SERPINB9: variants seen among roughly 807,000 people sequenced by gnomAD.
SERPINB9 encodes the protein serpin family B member 9.
A neutral mutation model predicts 27.2 loss-of-function variants in SERPINB9; 20 were observed. The observed-to-expected ratio is 0.74, with a 90% CI of 0.52 to 1.07. The LOEUF is 1.07. SERPINB9 is among the 50% of genes least tolerant of loss of function. The pLI is 0.00. For missense variants in SERPINB9, 476 were observed against 460.1 expected, an observed-to-expected ratio of 1.03 and a Z score of -0.32; for synonymous variants, 189 against 180.0, an observed-to-expected ratio of 1.05 and a Z score of -0.40.
At position 2,895,475 on chromosome 6, in the gene SERPINB9, C is replaced by A; in HGVS notation, c.340G>T (p.Ala114Ser). ...FKESCLQFYH[A>S]ELKELSFIRA... ...ATAAAGGAAAGCTCCTTCAGCTCAG[C>A]ATGGTAGAATTGAAGACAGGATTCC... is the stretch of plus-strand genomic sequence containing the variant. The change falls in exon 4 of 7, where the codon GCT becomes TCT. Residue 114 changes from alanine to serine, a missense_variant. Transcript: ENST00000380698. The A allele has an allele frequency of 6.2e-7, 1 of 1,613,812 alleles. No homozygotes were observed. Among genetic ancestry groups the A allele is most frequent in the South Asian group, 1.1e-5 (1 of 91,052 alleles).
chr6:2,895,688 G>C (rs1408134155), intron 3 of SERPINB9, among the ~76,000 whole-genome samples, 180 bp from the exon 4 acceptor site: 1 of 151,866 alleles, frequency 6.6e-6, no homozygotes, highest in Non-Finnish European at 1.5e-5. Context: ...ATTGAACCCT[G>C]AATAACCAGA....
At chr6:2,902,853 G>T (rs976396870) in intron 1 of SERPINB9, among the ~76,000 whole-genome samples, 6 of 152,218 alleles carry the variant, frequency 3.9e-5, no homozygotes, top group Non-Finnish European at 8.8e-5. Context: ...GAAGAAGCAG[G>T]ACAGACGTCA....
rs944857912 is a variant in SERPINB9 at position 2,891,559 on chromosome 6, C to T, written c.723+274G>A. 2.6e-5 allele frequency among the ~76,000 whole-genome samples: 4 copies of T among 152,262 alleles called. No individual in the cohort carries two copies. Among genetic ancestry groups the T allele is most frequent in the East Asian group, 3.9e-4 (2 of 5,176 alleles). On this transcript the variant is annotated intron_variant, in intron 6 of 6. Coordinates refer to ENST00000380698, the MANE Select transcript of SERPINB9 (RefSeq NM_004155.6). This position sits in a 1 kb window ranked among gnomAD's most constrained non-coding sequence, Gnocchi z 4.0. Reference sequence around the variant, plus strand: ...AAACTAGCAGGATTTTTATAAGCTTCCTCCTACCTGATTTATTTTAAAAGG... The same window carrying T: ...AAACTAGCAGGATTTTTATAAGCTTTCTCCTACCTGATTTATTTTAAAAGG...
Position 2,893,457 on chromosome 6 carries a change from G to C in SERPINB9, c.521C>G (p.Pro174Arg). The C allele has an allele frequency of 1.2e-6, 2 of 1,612,936 alleles. No individual in the cohort carries two copies. The highest frequency in any genetic ancestry group is 1.7e-6 in the Non-Finnish European group (2 of 1,179,456). Reference protein sequence around the residue: ...AIYFKGKWNEPFDETYTREMP... With the variant: ...AIYFKGKWNERFDETYTREMP... ...TTCCCTTGTGTATGTTTCGTCAAAC[G>C]GTTCATTCCACTTTCCTTTGAAGTA... The change falls in exon 5 of 7, where the codon CCG becomes CGG. Residue 174 changes from proline to arginine, a missense_variant. By Grantham distance (103) the Pro-to-Arg change is moderately radical. Transcript: ENST00000380698.
chr6:2,901,171 G>C (rs1768188083), intron 1 of SERPINB9, among the ~76,000 whole-genome samples: 2 of 152,184 alleles, frequency 1.3e-5, no homozygotes, highest in Admixed American at 6.5e-5. Context: ...ATAGAGGCAA[G>C]TGAGTGCGTC....
intron 2 of SERPINB9, chr6:2,899,766 C>A: frequency 3.4e-6 from 1 of 293,330 alleles, no homozygotes; most frequent in East Asian, 9.5e-5. Context: ...AAAAGACAGT[C>A]ATATTGAACA....
chr6:2,891,760 T>G lies in SERPINB9; in HGVS notation c.723+73A>C. On this transcript the variant is annotated intron_variant, in intron 6 of 6. Coordinates refer to ENST00000380698, the MANE Select transcript of SERPINB9 (RefSeq NM_004155.6). The surrounding 1 kb of genome is among the most constrained non-coding windows in gnomAD (Gnocchi z 4.0). ...GCATCGCCAACTCAGAAGGTGAATA[T>G]GAGAGGTGGAAGTGGCACTCGAGTT... The G allele has an allele frequency of 3.4e-4, 512 of 1,490,126 alleles. No homozygotes were observed. The highest frequency in any genetic ancestry group is 4.2e-4 in the Non-Finnish European group (472 of 1,117,064). The allele number at this position is 1,490,126 out of a possible 1,614,324, so 92.3% of individuals were successfully genotyped here.
In SERPINB9 at chr6:2,888,343, C is replaced by T. The variant is rs190499114; in HGVS notation, c.*1820G>A. The T allele has an allele frequency of 1.3e-5, 2 of 152,152 alleles. No homozygotes were observed. The highest frequency in any genetic ancestry group is 4.2e-4 in the South Asian group (2 of 4,814). The allele number at this position is 152,152 out of a possible 1,614,324, so 9.4% of individuals were successfully genotyped here. A position where few individuals can be genotyped will look rare whatever the true frequency, so the allele number is the denominator to read the frequency against. ...GCAGTTCCACTCCTAGATATATACC[C>T]AAGAGAATGCAAAATAGGCATTCAA... is the stretch of plus-strand genomic sequence containing the variant. On this transcript the variant is annotated 3_prime_UTR_variant, in exon 7 of 7. Coordinates refer to ENST00000380698, the MANE Select transcript of SERPINB9 (RefSeq NM_004155.6).
intron 1 of SERPINB9, 85 bp from the exon 2 acceptor site, chr6:2,900,706 G>A (rs28437254): frequency 0.034 from 40,736 of 1,192,880 alleles, 881 homozygotes; most frequent in South Asian, 0.07. Flanking sequence ...TTTTGGAATC[G>A]TACTTTTTGT....
Position 2,900,597 on chromosome 6 carries a change from A to G in SERPINB9, c.15T>C (p.Ser5=), listed in dbSNP as rs544430620. Residue 5 remains serine (S), a synonymous_variant, in exon 2 of 7, where the codon TCT becomes TCC. Transcript: ENST00000380698. ...GTATGGCAAAAGTACCACTTGCATT[A>G]GAAAGAGTTTCCATGATGCAGGGCC... METL[S]NASGTFAIRL... is the part of the protein sequence containing the mutation. The G allele has an allele frequency of 3.7e-6, 6 of 1,614,164 alleles. No individual in the cohort carries two copies. The East Asian group carries it at 1.1e-4, about 30-fold the overall frequency.
In SERPINB9 at chr6:2,888,031, C is replaced by G. The variant is rs1767654831; in HGVS notation, c.*2132G>C. 2 of 152,100 alleles carry G rather than the reference C, an allele frequency of 1.3e-5. No individual in the cohort carries two copies. The highest frequency in any genetic ancestry group is 4.1e-4 in the South Asian group (2 of 4,824). The allele number at this position is 152,100 out of a possible 1,614,324, so 9.4% of individuals were successfully genotyped here. On this transcript the variant is annotated 3_prime_UTR_variant, in exon 7 of 7. Coordinates refer to ENST00000380698, the MANE Select transcript of SERPINB9 (RefSeq NM_004155.6). ...CATCTCATTTTTTACTCAGCATTAT[C>G]TATCAAAGGGACTGGATGTCCCATC... is the stretch of plus-strand genomic sequence containing the variant.
At chr6:2,901,717 C>T (rs1156675982) in intron 1 of SERPINB9, among the ~76,000 whole-genome samples, 4 of 151,982 alleles carry the variant, frequency 2.6e-5, no homozygotes, top group African/African-American at 4.8e-5. Flanking sequence ...CTTTCCATCT[C>T]CCCCTCCTCC....
At chr6:2,901,924 A>G (rs541254556) in intron 1 of SERPINB9, among the ~76,000 whole-genome samples, 73 of 150,142 alleles carry the variant, frequency 4.9e-4, no homozygotes, top group African/African-American at 1.2e-3. Flanking sequence ...AACACAACCC[A>G]CTCCCCCAGC....
chr6:2,900,885 T>TCACACA (rs5742054), intron 1 of SERPINB9, among the ~76,000 whole-genome samples: 3 of 141,482 alleles, frequency 2.1e-5, no homozygotes, highest in Non-Finnish European at 4.5e-5. Context: ...GCTCGCTCTC[T>TCACACA]CACACACACA....
At chr6:2,899,927 G>A (rs1273003094) in intron 2 of SERPINB9, 2 of 456,694 alleles carry the variant, frequency 4.4e-6, no homozygotes, top group Admixed American at 2.4e-5. Context: ...TTCTCTGAAT[G>A]TTGGTGAGAC....
Position 2,900,518 on chromosome 6 carries a change from G to GACA in SERPINB9, c.93_94insTGT (p.Ser31_Pro32insCys). ...GCCAGGGCAGAGGAGATGCTCACAGGAGAACAGAACACGTTGTGCGAAGGG... is the reference window on the plus strand; with the variant it reads ...GCCAGGGCAGAGGAGATGCTCACAGGACAAGAACAGAACACGTTGTGCGAAGGG... On this transcript the variant is annotated inframe_insertion, in exon 2 of 7. Coordinates refer to ENST00000380698, the MANE Select transcript of SERPINB9 (RefSeq NM_004155.6). The GACA allele has an allele frequency of 6.2e-7, 1 of 1,614,158 alleles. No individual in the cohort carries two copies. Among genetic ancestry groups the GACA allele is most frequent in the Non-Finnish European group, 8.5e-7 (1 of 1,180,032 alleles).
chr6:2,891,743 A>G lies in SERPINB9; in HGVS notation c.723+90T>C. ...CACAGTGTGCGTCTGCCGCATCGCC[A>G]ACTCAGAAGGTGAATATGAGAGGTG... On this transcript the variant is annotated intron_variant, in intron 6 of 6. Transcript: ENST00000380698. The surrounding 1 kb of genome is among the most constrained non-coding windows in gnomAD (Gnocchi z 4.0). 6.9e-7 allele frequency: 1 copy of G among 1,445,508 alleles called. No homozygotes were observed. The highest frequency in any genetic ancestry group is 9.2e-7 in the Non-Finnish European group (1 of 1,084,042). The allele number at this position is 1,445,508 out of a possible 1,614,324, so 89.5% of individuals were successfully genotyped here. A position where few individuals can be genotyped will look rare whatever the true frequency, so the allele number is the denominator to read the frequency against.
At chr6:2,898,621 T>C (rs1252380286) in intron 2 of SERPINB9, among the ~76,000 whole-genome samples, 2 of 152,048 alleles carry the variant, frequency 1.3e-5, no homozygotes, top group African/African-American at 4.8e-5. Context: ...ATCGAGACCA[T>C]CCTGACTAAC....
At chr6:2,900,377 G>C in intron 2 of SERPINB9, 67 bp downstream of exon 2, 1 of 1,566,902 alleles carries the variant, frequency 6.4e-7, no homozygotes, top group Non-Finnish European at 8.7e-7. Flanking sequence ...TGGAGTGTGA[G>C]TGTGAAGCTG....
Sources: allele counts gnomAD v4.1 joint callset (sites outside exome capture counted in the v4.1 genomes callset), GRCh38; gene constraint gnomAD v4.1.1; non-coding constraint Gnocchi (gnomAD v3.1); transcripts MANE v1.5; gene names NCBI Gene and HGNC (gene_info 2026-07-23, HGNC 2026-07-21).